Variants in CNNM4 observed in about 807,000 individuals in gnomAD.
The protein encoded by CNNM4 is cyclin and CBS domain divalent metal cation transport mediator 4, also known as metal transporter CNNM4.
A neutral mutation model predicts 53.7 loss-of-function variants in CNNM4; 32 were observed. That is an observed-to-expected ratio of 0.60 (90% confidence interval 0.45 to 0.80). CNNM4 has a LOEUF of 0.80. Ranked by LOEUF, CNNM4 falls within the 30% of genes least tolerant of loss-of-function variation. The pLI is 0.00. For synonymous variants in CNNM4, 410 were observed against 440.0 expected (o/e 0.93, Z 0.85); for missense variants, 784 against 1,022.0 (o/e 0.77, Z 3.17).
At position 96,762,247 on chromosome 2, in the gene CNNM4, C is replaced by T. The variant is rs1462218273; in HGVS notation, c.1248C>T (p.Ser416=). The T allele has an allele frequency of 6.2e-7, 1 of 1,614,116 alleles. No individual in the cohort carries two copies. Among genetic ancestry groups the T allele is most frequent in the African/African-American group, 1.3e-5 (1 of 75,010 alleles). The change falls in exon 1 of 7, where the codon TCC becomes TCT. Residue 416 remains serine, a synonymous_variant. Coordinates refer to ENST00000377075, the MANE Select transcript of CNNM4 (RefSeq NM_020184.4). The part of the protein sequence containing the change: ...TRIPVFEDEQ[S]NIVDILYVKD... ...TCCCGGTGTTCGAAGACGAGCAGTC[C>T]AATATTGTAGATATTCTCTACGTCA...
At chr2:96,791,807 G>T (rs2079064679) in intron 1 of CNNM4, among the ~76,000 whole-genome samples, 1 of 151,728 alleles carries the variant, frequency 6.6e-6, no homozygotes. Flanking sequence ...GATTCAGGAT[G>T]GTTTCTATTT....
At chr2:96,768,711 G>A (rs961630662) in intron 1 of CNNM4, among the ~76,000 whole-genome samples, 3 of 152,176 alleles carry the variant, frequency 2.0e-5, no homozygotes, top group Non-Finnish European at 2.9e-5. Flanking sequence ...CTCCTTCTCC[G>A]TGCCCAGCAT....
At chr2:96,784,075 A>T (rs1053678833) in intron 1 of CNNM4, among the ~76,000 whole-genome samples, 46 of 152,080 alleles carry the variant, frequency 3.0e-4, no homozygotes, top group African/African-American at 9.6e-4. Flanking sequence ...TCAGAAAAAA[A>T]CTCTGTCTCT....
At chr2:96,806,405 CACGACCCACTAAGACCTT>C (rs987541898) in intron 5 of CNNM4, among the ~76,000 whole-genome samples, 3 of 151,536 alleles carry the variant, frequency 2.0e-5, no homozygotes, top group African/African-American at 7.3e-5. Flanking sequence ...ATCCTCAGTT[CACGACCCACTAAGACCTT>C]ACCAGGTCCC....
At chr2:96,794,101 G>A (rs1005663354) in intron 1 of CNNM4, among the ~76,000 whole-genome samples, 1 of 152,036 alleles carries the variant, frequency 6.6e-6, no homozygotes, top group African/African-American at 2.4e-5. Flanking sequence ...TCTGACTTTG[G>A]GGGTCTGAAC....
At chr2:96,768,525 G>T (rs2078838677) in intron 1 of CNNM4, among the ~76,000 whole-genome samples, 1 of 152,160 alleles carries the variant, frequency 6.6e-6, no homozygotes, top group Non-Finnish European at 1.5e-5. Flanking sequence ...GTTGATCCTT[G>T]TGGAGATCTG....
At chr2:96,806,479 C>T (rs2079206913) in intron 5 of CNNM4, among the ~76,000 whole-genome samples, 1 of 150,314 alleles carries the variant, frequency 6.7e-6, no homozygotes, top group African/African-American at 2.5e-5. Context: ...TTCTTCATCT[C>T]TACTCTTCTT....
chr2:96,789,156 G>A (rs2079039398), intron 1 of CNNM4, among the ~76,000 whole-genome samples: 1 of 152,098 alleles, frequency 6.6e-6, no homozygotes, highest in South Asian at 2.1e-4. Context: ...CTCAGGCCTC[G>A]CCAGGCTGCA....
intron 1 of CNNM4, among the ~76,000 whole-genome samples, chr2:96,793,116 C>T (rs947180917): frequency 6.6e-6 from 1 of 151,980 alleles, no homozygotes; most frequent in Non-Finnish European, 1.5e-5. Context: ...AGCAGTGACT[C>T]CTGAGGTCAG....
chr2:96,799,543 T>C lies in CNNM4; in HGVS notation c.1852-9T>C. 6.4e-7 allele frequency: 1 copy of C among 1,552,706 alleles called. No individual in the cohort carries two copies. The highest frequency in any genetic ancestry group is 2.0e-5 in the Admixed American group (1 of 51,170). On this transcript the variant is annotated splice_polypyrimidine_tract_variant and intron_variant, in intron 4 of 6. Coordinates refer to ENST00000377075, the MANE Select transcript of CNNM4 (RefSeq NM_020184.4). ...CTTGGTCTCTAACTCCAGCCCTGTGTTTTTTCAGGGGAAGGTGGAGGTGGA... is the reference window on the plus strand; with the variant it reads ...CTTGGTCTCTAACTCCAGCCCTGTGCTTTTTCAGGGGAAGGTGGAGGTGGA...
At chr2:96,762,507 G>A in intron 1 of CNNM4, 106 bp downstream of exon 1, 1 of 1,108,058 alleles carries the variant, frequency 9.0e-7, no homozygotes, top group Non-Finnish European at 1.4e-6. Flanking sequence ...GTGACTCTGT[G>A]TCCCTTTGCC....
chr2:96,765,024 GTTTTTTTTTTTTTTTTTTTTTTTTTTT>G (rs1158502593), intron 1 of CNNM4, among the ~76,000 whole-genome samples: 79 of 41,560 alleles, frequency 1.9e-3, no homozygotes, highest in African/African-American at 5.8e-3. Flanking sequence ...GTTGGGAATG[GTTTTTTTTTTTTTTTTTTTTTTTTTTT>G]TTTTTTTTTT....
chr2:96,761,438 C>G lies in CNNM4; in HGVS notation c.439C>G (p.Leu147Val), dbSNP rs2078761176. 1 of 1,614,014 alleles carries G rather than the reference C, an allele frequency of 6.2e-7. No homozygotes were observed. The highest frequency in any genetic ancestry group is 1.3e-5 in the African/African-American group (1 of 74,932). Reference protein sequence around the residue: ...KFLRRSESMKLYALCTRAQPD... With the variant: ...KFLRRSESMKVYALCTRAQPD... Reference sequence around the variant, plus strand: ...CCTCCGGAGGAGCGAGAGCATGAAGCTGTATGCACTGTGCACCCGGGCCCA... The same window carrying G: ...CCTCCGGAGGAGCGAGAGCATGAAGGTGTATGCACTGTGCACCCGGGCCCA... The change falls in exon 1 of 7, where the codon CTG becomes GTG. Residue 147 changes from leucine to valine, a missense_variant. By Grantham distance (32) the Leu-to-Val change is conservative. This residue lies in a region of CNNM4 where 473 missense variants were observed against 624.6 expected (regional missense o/e 0.76). Transcript: ENST00000377075. This position sits in a 1 kb window ranked among gnomAD's most constrained non-coding sequence, Gnocchi z 6.0.
At chr2:96,791,101 C>T (rs1289687229) in intron 1 of CNNM4, among the ~76,000 whole-genome samples, 2 of 133,818 alleles carry the variant, frequency 1.5e-5, no homozygotes, top group African/African-American at 5.7e-5. Flanking sequence ...GCCTGAACAA[C>T]AGAGTGAGAC....
rs1245414621 is a variant in CNNM4 at position 96,801,859 on chromosome 2, G to A, written c.1948+2211G>A. The stretch of plus-strand genomic sequence containing the variant: ...CCCATAGACACACAGATGCCACAGA[G>A]GCATACACAGAGAAACACCCGTAGA... On this transcript the variant is annotated intron_variant, in intron 5 of 6. Coordinates refer to ENST00000377075, the MANE Select transcript of CNNM4 (RefSeq NM_020184.4). The surrounding 1 kb of genome is among the most constrained non-coding windows in gnomAD (Gnocchi z 5.6). Among the ~76,000 whole-genome samples, 1 of 148,590 alleles carries A rather than the reference G, an allele frequency of 6.7e-6. No homozygotes were observed.
At position 96,797,521 on chromosome 2, in the gene CNNM4, C is replaced by T. The variant is rs1455470131; in HGVS notation, c.1555C>T (p.Arg519Ter). The change falls in exon 3 of 7, where the codon CGA becomes TGA. Residue 519 changes from arginine (R) to a stop codon, truncating the protein, a stop_gained. Transcript: ENST00000377075. LOFTEE classifies it high-confidence loss of function. This position sits in a 1 kb window ranked among gnomAD's most constrained non-coding sequence, Gnocchi z 6.0. ...CGCTCTTCTTCCGGCAGCTGACAAC[C>T]GAAGCCGGAAGCGGGTGTCTGAGAA... ...LDESDMYTDN[R>*]SRKRVSEKNK... The T allele has an allele frequency of 4.3e-6, 7 of 1,614,120 alleles. No individual in the cohort carries two copies. The highest frequency in any genetic ancestry group is 5.9e-6 in the Non-Finnish European group (7 of 1,180,032).
intron 1 of CNNM4, among the ~76,000 whole-genome samples, chr2:96,795,856 AC>A (rs2079098757): frequency 1.3e-5 from 2 of 151,470 alleles, no homozygotes; most frequent in Non-Finnish European, 2.9e-5. Flanking sequence ...TCTTGGCTGG[AC>A]CCTCTTGCCA....
chr2:96,793,937 T>G (rs1045447920), intron 1 of CNNM4, among the ~76,000 whole-genome samples: 4 of 152,076 alleles, frequency 2.6e-5, no homozygotes, highest in African/African-American at 7.2e-5. Context: ...CCTGGGCCAC[T>G]CCAGCCTAGG....
intron 1 of CNNM4, among the ~76,000 whole-genome samples, chr2:96,764,497 C>T (rs894083102): frequency 1.3e-5 from 2 of 152,152 alleles, no homozygotes; most frequent in Non-Finnish European, 2.9e-5. Flanking sequence ...CTACCCACCC[C>T]CGACAAATGA....
Sources: allele counts gnomAD v4.1 joint callset (sites outside exome capture counted in the v4.1 genomes callset), GRCh38; gene constraint gnomAD v4.1.1; regional missense constraint gnomAD v4.1.1; non-coding constraint Gnocchi (gnomAD v3.1); transcripts MANE v1.5; gene names NCBI Gene and HGNC (gene_info 2026-07-23, HGNC 2026-07-21).